The following PRTG variants were observed in gnomAD, a reference collection of about 807,000 sequenced individuals.
PRTG encodes the protein protogenin, also known as immunoglobulin superfamily, DCC subclass, member 5.
PRTG carries 67 observed loss-of-function variants against 122.5 expected under a neutral mutation model. The ratio of observed to expected loss-of-function variants is 0.55; its 90% CI spans 0.45 to 0.67. The LOEUF (loss-of-function observed/expected upper bound fraction) is 0.67. Ranked by LOEUF, PRTG falls within the 30% of genes least tolerant of loss-of-function variation. PRTG has a pLI of 0.00. For synonymous variants in PRTG, 554 were observed against 501.1 expected, an observed-to-expected ratio of 1.11 and a Z score of -1.41; for missense variants, 1,435 against 1,415.4, an observed-to-expected ratio of 1.01 and a Z score of -0.22.
intron 2 of PRTG, among the ~76,000 whole-genome samples, chr15:55,695,333 A>G (rs1461404784): frequency 6.6e-6 from 1 of 152,258 alleles, no homozygotes; most frequent in Non-Finnish European, 1.5e-5. Context: ...TGATGAATAC[A>G]GTCTGAAATT....
At chr15:55,693,425 C>T (rs1391037130) in intron 2 of PRTG, among the ~76,000 whole-genome samples, 1 of 151,340 alleles carries the variant, frequency 6.6e-6, no homozygotes, top group Non-Finnish European at 1.5e-5. Flanking sequence ...CATTGCTCTC[C>T]AGCCTGGGCA....
intron 2 of PRTG, among the ~76,000 whole-genome samples, chr15:55,714,620 T>G (rs1348359484): frequency 6.6e-6 from 1 of 152,016 alleles, no homozygotes; most frequent in East Asian, 1.9e-4. Flanking sequence ...TCCTTATGCA[T>G]CAAATAAGCT....
chr15:55,658,319 T>A (rs4774798), intron 11 of PRTG, among the ~76,000 whole-genome samples: 144,808 of 149,126 alleles, frequency 0.97, 70,362 homozygotes, highest in East Asian at 0.99. Flanking sequence ...TGTTTTTATT[T>A]TTTTTTTTTT....
rs1315746930 is a variant in PRTG at position 55,617,913 on chromosome 15, C to T, written c.*2099G>A. 1 of 152,134 alleles carries T rather than the reference C, an allele frequency of 6.6e-6. No homozygotes were observed. The highest frequency in any genetic ancestry group is 6.6e-5 in the Admixed American group (1 of 15,262). 9.4% of individuals were successfully genotyped at this position (152,134 alleles called of 1,614,324 possible). A position where few individuals can be genotyped will look rare whatever the true frequency, so the allele number is the denominator to read the frequency against. Reference sequence around the variant, plus strand: ...CCTATATACTTCTACTTACCAACCACAAAGCGCTATACCCTGTCAATCTGC... The same window carrying T: ...CCTATATACTTCTACTTACCAACCATAAAGCGCTATACCCTGTCAATCTGC... On this transcript the variant is annotated 3_prime_UTR_variant, in exon 20 of 20. Coordinates refer to ENST00000389286, the MANE Select transcript of PRTG (RefSeq NM_173814.6).
intron 2 of PRTG, among the ~76,000 whole-genome samples, chr15:55,735,837 C>T (rs184295235): frequency 6.6e-6 from 1 of 151,738 alleles, no homozygotes; most frequent in Non-Finnish European, 1.5e-5. Context: ...AAAACTGGTT[C>T]CATTACCCAG....
At chr15:55,623,440 G>A (rs965255082) in intron 18 of PRTG, among the ~76,000 whole-genome samples, 1 of 152,098 alleles carries the variant, frequency 6.6e-6, no homozygotes, top group South Asian at 2.1e-4. Context: ...GGTGGCGCAC[G>A]CCTGTAATCC....
chr15:55,620,886 T>G (rs1595597838), intron 18 of PRTG, 119 bp from the exon 19 acceptor site: 1 of 886,062 alleles, frequency 1.1e-6, no homozygotes, highest in East Asian at 2.8e-5. Flanking sequence ...TCATTTTTAT[T>G]TTATTTTAGA....
intron 11 of PRTG, among the ~76,000 whole-genome samples, chr15:55,650,835 T>A (rs1396842913): frequency 6.6e-6 from 1 of 152,080 alleles, no homozygotes; most frequent in African/African-American, 2.4e-5. Flanking sequence ...GGCATGATAG[T>A]GCATTCCTAT....
At chr15:55,638,955 A>ATCAATCAT (rs1491105120) in intron 13 of PRTG, among the ~76,000 whole-genome samples, 15 of 148,248 alleles carry the variant, frequency 1.0e-4, no homozygotes, top group African/African-American at 3.8e-4. Context: ...TGGAAGTCAA[A>ATCAATCAT]TCATTCATTC....
chr15:55,695,749 C>A (rs2059628553), intron 2 of PRTG, among the ~76,000 whole-genome samples: 1 of 152,210 alleles, frequency 6.6e-6, no homozygotes, highest in Non-Finnish European at 1.5e-5. Context: ...GGGGACGAGA[C>A]AGGCAGATCA....
chr15:55,699,182 C>T (rs1319477472), intron 2 of PRTG, among the ~76,000 whole-genome samples: 5 of 152,118 alleles, frequency 3.3e-5, no homozygotes, highest in Non-Finnish European at 1.5e-5. Context: ...TCTTAAAACT[C>T]AATGATATGT....
intron 2 of PRTG, among the ~76,000 whole-genome samples, chr15:55,714,133 T>C (rs2030504570): frequency 6.6e-6 from 1 of 152,128 alleles, no homozygotes; most frequent in Non-Finnish European, 1.5e-5. Flanking sequence ...GAACAGATTA[T>C]ACAAAAGCAT....
chr15:55,631,175 AC>A (rs2141721119), intron 15 of PRTG, among the ~76,000 whole-genome samples: 1 of 151,992 alleles, frequency 6.6e-6, no homozygotes, highest in African/African-American at 2.4e-5. Context: ...AAACAAAGTG[AC>A]CCCTATTTAG....
intron 2 of PRTG, among the ~76,000 whole-genome samples, chr15:55,722,502 G>A (rs1167887713): frequency 3.3e-5 from 5 of 152,142 alleles, no homozygotes; most frequent in African/African-American, 9.7e-5. Flanking sequence ...TTTCCTACGT[G>A]TTCTAGAACC....
chr15:55,707,727 CTG>C (rs2030189734), intron 2 of PRTG, among the ~76,000 whole-genome samples: 2 of 152,200 alleles, frequency 1.3e-5, no homozygotes, highest in Admixed American at 6.5e-5. Flanking sequence ...GAGAGGTTAA[CTG>C]ATAGAATCTG....
Position 55,680,627 on chromosome 15 carries a change from A to C in PRTG, c.678T>G (p.Ala226=), listed in dbSNP as rs200620952. The C allele has an allele frequency of 6.7e-7, 1 of 1,503,146 alleles. No individual in the cohort carries two copies. The highest frequency in any genetic ancestry group is 8.9e-7 in the Non-Finnish European group (1 of 1,123,544). 93.1% of individuals were successfully genotyped at this position (1,503,146 alleles called of 1,614,324 possible). ...SMEASLTVIP[A]KESKSFHTPT... ...GTGTGTGGAAGGATTTTGACTCCTTAGCTTTGGGGAGGAAAAGACAGAATA... is the reference window on the plus strand; with the variant it reads ...GTGTGTGGAAGGATTTTGACTCCTTCGCTTTGGGGAGGAAAAGACAGAATA... Residue 226 remains alanine, a splice_region_variant and synonymous_variant, in exon 5 of 20, where the codon GCT becomes GCG. Coordinates refer to ENST00000389286, the MANE Select transcript of PRTG (RefSeq NM_173814.6).
intron 2 of PRTG, among the ~76,000 whole-genome samples, chr15:55,702,175 C>G (rs2029918491): frequency 1.3e-5 from 2 of 152,112 alleles, no homozygotes; most frequent in African/African-American, 2.4e-5. Flanking sequence ...AAGAAGAAAA[C>G]TTATAAATTA....
intron 12 of PRTG, 63 bp downstream of exon 12, chr15:55,641,050 G>C: frequency 9.2e-7 from 1 of 1,086,254 alleles, no homozygotes; most frequent in Non-Finnish European, 1.4e-6. Flanking sequence ...GTAACTTAAA[G>C]GAGGAGGAGG....
In PRTG at chr15:55,612,701, T is replaced by C. The variant is rs1232417163; in HGVS notation, c.*7311A>G. Reference sequence around the variant, plus strand: ...CTCTTTAACTCTTTAAAAGCCAATATATATATATATATATATATATATATA... The same window carrying C: ...CTCTTTAACTCTTTAAAAGCCAATACATATATATATATATATATATATATA... On this transcript the variant is annotated 3_prime_UTR_variant, in exon 20 of 20. Coordinates refer to ENST00000389286, the MANE Select transcript of PRTG (RefSeq NM_173814.6). 3 of 4,060 alleles carry C rather than the reference T, an allele frequency of 7.4e-4. No individual in the cohort carries two copies. The highest frequency in any genetic ancestry group is 9.5e-4 in the African/African-American group (3 of 3,174). The allele number at this position is 4,060 out of a possible 1,614,324, so 0.3% of individuals were successfully genotyped here.
Sources: allele counts gnomAD v4.1 joint callset (sites outside exome capture counted in the v4.1 genomes callset), GRCh38; gene constraint gnomAD v4.1.1; transcripts MANE v1.5; gene names NCBI Gene and HGNC (gene_info 2026-07-23, HGNC 2026-07-21).